Variants in TP53RK observed in about 807,000 individuals in gnomAD.
TP53RK encodes TP53 regulating kinase.
A neutral mutation model predicts 14.9 loss-of-function variants in TP53RK; 17 were observed. The ratio of observed to expected loss-of-function variants is 1.14; its 90% CI spans 0.78 to 1.71. TP53RK has a LOEUF of 1.71. TP53RK is among the 40% of genes most tolerant of loss of function. The pLI is 0.00. For synonymous variants in TP53RK, 131 were observed against 138.0 expected, an observed-to-expected ratio of 0.95 and a Z score of 0.36; for missense variants, 343 against 332.0, an observed-to-expected ratio of 1.03 and a Z score of -0.26.
intron 1 of TP53RK, among the ~76,000 whole-genome samples, chr20:46,688,488 G>C (rs2063190877): frequency 6.6e-6 from 1 of 152,244 alleles, no homozygotes; most frequent in Non-Finnish European, 1.5e-5. Context: ...TATGGTGCTG[G>C]CGCACAATGA....
Position 46,689,292 on chromosome 20 carries a change from C to G in TP53RK, c.123G>C (p.Gln41His). The G allele has an allele frequency of 5.8e-6, 9 of 1,545,706 alleles. No individual in the cohort carries two copies. Among genetic ancestry groups the G allele is most frequent in the Non-Finnish European group, 7.8e-6 (9 of 1,152,522 alleles). ...RFLSGLELVK[Q>H]GAEARVFRGR... ...CACGGAACACGCGCGCCTCGGCACC[C>G]TGCTTCACCAGCTCCAGGCCGCTCA... Residue 41 changes from glutamine (Q) to histidine (H), a missense_variant, in exon 1 of 2, where the codon CAG becomes CAC. Coordinates refer to ENST00000372114, the MANE Select transcript of TP53RK (RefSeq NM_033550.4).
rs771638240 is a variant in TP53RK, at chr20:46,687,189, T to C, written c.326A>G (p.Asn109Ser). Residue 109 changes from asparagine (N) to serine (S), a missense_variant, in exon 2 of 2, where the codon AAC becomes AGC. Asn to Ser is a conservative substitution (Grantham distance 46). Coordinates refer to ENST00000372114, the MANE Select transcript of TP53RK (RefSeq NM_033550.4). ...PVVFFVDYAS[N>S]CLYMEEIEGS... ...TTCAATTTCTTCCATATATAAGCAG[T>C]TGGAAGCATAGTCCACAAAAAAGAC... 15 of 1,607,786 alleles carry C rather than the reference T, an allele frequency of 9.3e-6. No individual in the cohort carries two copies. Among genetic ancestry groups the C allele is most frequent in the Middle Eastern group, 1.6e-4 (1 of 6,064 alleles).
chr20:46,689,132 C>A lies in TP53RK; in HGVS notation c.283G>T (p.Gly95Ter). ...ARALLRCRRA[G>*]ISAPVVFFVD... is the part of the protein sequence containing the mutation. ...ACGCCGGGATCCCGGCCCACCTTAC[C>A]AGCGCGGCGACAGCGGAGGAGCGCC... Residue 95 changes from glycine to a stop codon, truncating the protein, a stop_gained and splice_region_variant, in exon 1 of 2, where the codon GGA (glycine) becomes TGA (stop). Coordinates refer to ENST00000372114, the MANE Select transcript of TP53RK (RefSeq NM_033550.4). LOFTEE classifies it high-confidence loss of function. 1 of 1,388,122 alleles carries A rather than the reference C, an allele frequency of 7.2e-7. No individual in the cohort carries two copies. The highest frequency in any genetic ancestry group is 9.3e-7 in the Non-Finnish European group (1 of 1,076,470). 86.0% of individuals were successfully genotyped at this position (1,388,122 alleles called of 1,614,324 possible). A position where few individuals can be genotyped will look rare whatever the true frequency, so the allele number is the denominator to read the frequency against.
chr20:46,686,893 G>C lies in TP53RK; in HGVS notation c.622C>G (p.Leu208Val). ...VDLYVLEKAF[L>V]STHPNTETVF... ...GTTTCAGTGTTGGGATGGGTACTGA[G>C]GAAGGCCTTCTCCAGGACATAGAGG... The change falls in exon 2 of 2, where the codon CTC (leucine) becomes GTC (valine). Residue 208 changes from leucine to valine, a missense_variant. Transcript: ENST00000372114. 6.2e-7 allele frequency: 1 copy of C among 1,614,104 alleles called. No individual in the cohort carries two copies. The highest frequency in any genetic ancestry group is 8.5e-7 in the Non-Finnish European group (1 of 1,180,028).
At chr20:46,687,750 T>G (rs565122376) in intron 1 of TP53RK, among the ~76,000 whole-genome samples, 15 of 152,302 alleles carry the variant, frequency 9.8e-5, no homozygotes, top group African/African-American at 3.6e-4. Flanking sequence ...GAGCTGAGAT[T>G]GTGCCACTGC....
At chr20:46,688,851 G>A (rs2063192870) in intron 1 of TP53RK, among the ~76,000 whole-genome samples, 1 of 152,242 alleles carries the variant, frequency 6.6e-6, no homozygotes, top group African/African-American at 2.4e-5. Context: ...GCTCAGGGAA[G>A]TTAAACATGT....
At position 46,686,971 on chromosome 20, in the gene TP53RK, T is replaced by G. The variant is rs200921554; in HGVS notation, c.544A>C (p.Ile182Leu). 1 of 1,614,166 alleles carries G rather than the reference T, an allele frequency of 6.2e-7. No individual in the cohort carries two copies. Among genetic ancestry groups the G allele is most frequent in the Non-Finnish European group, 8.5e-7 (1 of 1,180,026 alleles). The change falls in exon 2 of 2, where the codon ATA (isoleucine) becomes CTA (leucine). Residue 182 changes from isoleucine (I) to leucine (L), a missense_variant. Transcript: ENST00000372114. ...PPLEQLNIVL[I>L]DFGLSFISAL... ...GAAATGAAACTCAGCCCAAAGTCTA[T>G]GAGCACAATGTTCAGCTGTTCCAGG... is the stretch of plus-strand genomic sequence containing the variant.
chr20:46,688,591 T>C (rs1251383128), intron 1 of TP53RK, among the ~76,000 whole-genome samples: 2 of 152,252 alleles, frequency 1.3e-5, no homozygotes, highest in Admixed American at 6.5e-5. Flanking sequence ...GTGACACACA[T>C]ACCTCCTCTA....
intron 1 of TP53RK, 34 bp from the exon 2 acceptor site, chr20:46,687,265 ATTT>A: frequency 6.6e-7 from 1 of 1,517,532 alleles, no homozygotes; most frequent in South Asian, 1.3e-5. Flanking sequence ...ATTGGGTTGG[ATTT>A]TTTTTAACGG....
In TP53RK at chr20:46,689,316, C is replaced by A. The variant is rs2122965447; in HGVS notation, c.99G>T (p.Leu33Phe). 2 of 1,557,248 alleles carry A rather than the reference C, an allele frequency of 1.3e-6. No individual in the cohort carries two copies. Among genetic ancestry groups the A allele is most frequent in the East Asian group, 4.8e-5 (2 of 41,832 alleles). Residue 33 changes from leucine (L) to phenylalanine (F), a missense_variant, in exon 1 of 2, where the codon TTG becomes TTT. Physicochemically the swap from Leu to Phe is conservative, Grantham distance 22 (BLOSUM62 0). Coordinates refer to ENST00000372114, the MANE Select transcript of TP53RK (RefSeq NM_033550.4). ...CCTGCTTCACCAGCTCCAGGCCGCTCAAGAAGCGGCTGCTCCGCTCCCGGG... is the reference window on the plus strand; with the variant it reads ...CCTGCTTCACCAGCTCCAGGCCGCTAAAGAAGCGGCTGCTCCGCTCCCGGG... ...AAARERSSRF[L>F]SGLELVKQGA... is the part of the protein sequence containing the mutation.
chr20:46,687,540 G>T (rs545139116), intron 1 of TP53RK, among the ~76,000 whole-genome samples: 2 of 152,194 alleles, frequency 1.3e-5, no homozygotes, highest in African/African-American at 4.8e-5. Context: ...AACAAAGGCC[G>T]GGTGTGGTGG....
chr20:46,686,405 A>G lies in TP53RK; in HGVS notation c.*348T>C, dbSNP rs1253011592. 1 of 213,654 alleles carries G rather than the reference A, an allele frequency of 4.7e-6. No individual in the cohort carries two copies. The highest frequency in any genetic ancestry group is 9.4e-6 in the Non-Finnish European group (1 of 106,554). The allele number at this position is 213,654 out of a possible 1,614,324, so 13.2% of individuals were successfully genotyped here. On this transcript the variant is annotated 3_prime_UTR_variant, in exon 2 of 2. Coordinates refer to ENST00000372114, the MANE Select transcript of TP53RK (RefSeq NM_033550.4). ...AAAACACTGGGTTAGAGGGCCAGTA[A>G]GCTCAGCGAGTATCAGCAACTGAGA...
At chr20:46,688,901 A>C (rs1056151082) in intron 1 of TP53RK, among the ~76,000 whole-genome samples, 1 of 152,266 alleles carries the variant, frequency 6.6e-6, no homozygotes. Context: ...GATTTGAACC[A>C]GGCAGAACGG....
chr20:46,688,319 T>C (rs1290486024), intron 1 of TP53RK, among the ~76,000 whole-genome samples: 1 of 152,042 alleles, frequency 6.6e-6, no homozygotes, highest in Non-Finnish European at 1.5e-5. Context: ...ACCTAAAAAA[T>C]ACTGATAAAA....
At position 46,684,510 on chromosome 20, in the gene TP53RK, T is replaced by C. The variant is rs979974214; in HGVS notation, c.*2243A>G. The C allele has an allele frequency of 6.6e-6, 1 of 152,106 alleles. No individual in the cohort carries two copies. The allele number at this position is 152,106 out of a possible 1,614,324, so 9.4% of individuals were successfully genotyped here. The stretch of plus-strand genomic sequence containing the variant: ...TGCCGAACAAGAGGGAAAAGCCCCT[T>C]ATAAAACCATCAGATCTCGTGAGAA... On this transcript the variant is annotated 3_prime_UTR_variant, in exon 2 of 2. Transcript: ENST00000372114.
Position 46,689,176 on chromosome 20 carries a change from C to T in TP53RK, c.239G>A (p.Arg80Gln). 1 of 1,514,496 alleles carries T rather than the reference C, an allele frequency of 6.6e-7. No homozygotes were observed. The highest frequency in any genetic ancestry group is 8.8e-7 in the Non-Finnish European group (1 of 1,138,312). The allele number at this position is 1,514,496 out of a possible 1,614,324, so 93.8% of individuals were successfully genotyped here. ...PALEARLGRR[R>Q]TVQEARALLR... Reference sequence around the variant, plus strand: ...GAGCGCCCGGGCCTCCTGCACCGTCCGCCGTCTGCCAAGCCGCGCCTCCAG... The same window carrying T: ...GAGCGCCCGGGCCTCCTGCACCGTCTGCCGTCTGCCAAGCCGCGCCTCCAG... The change falls in exon 1 of 2, where the codon CGG (arginine) becomes CAG (glutamine). Residue 80 changes from arginine to glutamine, a missense_variant. Coordinates refer to ENST00000372114, the MANE Select transcript of TP53RK (RefSeq NM_033550.4).
At position 46,689,321 on chromosome 20, in the gene TP53RK, A is replaced by G; in HGVS notation, c.94T>C (p.Phe32Leu). 6.4e-7 allele frequency: 1 copy of G among 1,559,208 alleles called. No homozygotes were observed. Among genetic ancestry groups the G allele is most frequent in the Non-Finnish European group, 8.6e-7 (1 of 1,160,766 alleles). Residue 32 changes from phenylalanine (F) to leucine (L), a missense_variant, in exon 1 of 2, where the codon TTC (phenylalanine) becomes CTC (leucine). Phe to Leu is a conservative substitution (Grantham distance 22). Transcript: ENST00000372114. ...LAAARERSSR[F>L]LSGLELVKQG... ...TTCACCAGCTCCAGGCCGCTCAAGAAGCGGCTGCTCCGCTCCCGGGCTGCG... is the reference window on the plus strand; with the variant it reads ...TTCACCAGCTCCAGGCCGCTCAAGAGGCGGCTGCTCCGCTCCCGGGCTGCG...
Position 46,688,285 on chromosome 20 carries a change from A to G in TP53RK, c.283+847T>C, listed in dbSNP as rs554519446. Among the ~76,000 whole-genome samples the G allele has an allele frequency of 8.5e-5, 13 of 152,360 alleles. No homozygotes were observed. In the South Asian group the frequency reaches 2.7e-3, roughly 32 times the overall value. ...CCCCCACCCAGATCTCCCAGCACTT[A>G]ACAATGTCCTGGTACCCACTGGTAC... On this transcript the variant is annotated intron_variant, in intron 1 of 1. Transcript: ENST00000372114.
chr20:46,687,363 G>A, intron 1 of TP53RK, 132 bp from the exon 2 acceptor site: 1 of 829,034 alleles, frequency 1.2e-6, no homozygotes, highest in African/African-American at 1.7e-5. Flanking sequence ...ACAGGAAATG[G>A]TACAACTGAA....
Sources: gnomAD v4.1 joint callset for allele counts (sites outside exome capture counted in the v4.1 genomes callset) on GRCh38, gnomAD v4.1.1 for gene constraint, MANE v1.5 for transcripts, NCBI Gene and HGNC (gene_info 2026-07-23, HGNC 2026-07-21) for gene names.